SKAP1: variants seen among roughly 807,000 people sequenced by gnomAD.
SKAP1 encodes the protein src kinase-associated phosphoprotein 1.
Under a neutral mutation model 58.5 loss-of-function variants are expected in SKAP1, and 44 were observed. The observed-to-expected ratio is 0.75, with a 90% CI of 0.59 to 0.97. The LOEUF (loss-of-function observed/expected upper bound fraction) is 0.97. Among genes scored for constraint, SKAP1 ranks in the 50% least tolerant of loss-of-function variants. The probability of loss-of-function intolerance (pLI) is 0.00; values close to 1 mark genes in which losing one functional copy is unlikely to be tolerated. For synonymous variants in SKAP1, 127 were observed against 149.7 expected (o/e 0.85, Z 1.11); for missense variants, 390 against 435.2 (o/e 0.90, Z 0.92).
chr17:48,333,486 T>C (rs2066530564), intron 4 of SKAP1, among the ~76,000 whole-genome samples: 1 of 152,148 alleles, frequency 6.6e-6, no homozygotes. Flanking sequence ...TTTCCACCAT[T>C]TGTCCTAAAT....
intron 3 of SKAP1, among the ~76,000 whole-genome samples, chr17:48,354,835 C>A (rs2066854506): frequency 6.6e-6 from 1 of 152,118 alleles, no homozygotes; most frequent in Non-Finnish European, 1.5e-5. Flanking sequence ...GAAGTCTTAA[C>A]CTACTTACTC....
At chr17:48,250,903 A>G (rs535258120) in intron 4 of SKAP1, among the ~76,000 whole-genome samples, 1 of 152,260 alleles carries the variant, frequency 6.6e-6, no homozygotes, top group African/African-American at 2.4e-5. Context: ...ATGGTAATAA[A>G]ACCAAAATGG....
intron 4 of SKAP1, among the ~76,000 whole-genome samples, chr17:48,268,232 G>A (rs975447120): frequency 1.4e-4 from 20 of 148,116 alleles, no homozygotes; most frequent in African/African-American, 4.5e-4. Context: ...TCCAAATACT[G>A]ACCTGAAATA....
intron 1 of SKAP1, among the ~76,000 whole-genome samples, chr17:48,400,827 CATATTCTATGTTCATGATCAGAAGACTTA>C (rs1567899846): frequency 6.6e-6 from 1 of 151,976 alleles, no homozygotes; most frequent in African/African-American, 2.4e-5. Context: ...ATAAATAGAA[CATATTCTATGTTCATGATCAGAAGACTTA>C]ATATCGTTAA....
chr17:48,288,352 G>A (rs896619265), intron 4 of SKAP1, among the ~76,000 whole-genome samples: 1 of 152,110 alleles, frequency 6.6e-6, no homozygotes, highest in Admixed American at 6.5e-5. Flanking sequence ...ATGAAGCACT[G>A]GCTAAGAATC....
chr17:48,261,717 T>A (rs548906031), intron 4 of SKAP1, among the ~76,000 whole-genome samples: 4 of 152,316 alleles, frequency 2.6e-5, no homozygotes, highest in African/African-American at 9.6e-5. Flanking sequence ...ATAGAGTTTG[T>A]TACTTAGGTT....
chr17:48,312,519 C>T lies in SKAP1; in HGVS notation c.280+33386G>A, dbSNP rs2066235306. Among the ~76,000 whole-genome samples, 3 of 152,212 alleles carry T rather than the reference C, an allele frequency of 2.0e-5. No individual in the cohort carries two copies. The South Asian group carries it at 6.2e-4, about 32-fold the overall frequency. On this transcript the variant is annotated intron_variant, in intron 4 of 12. Transcript: ENST00000336915. ...GTGAAACTATGTTCTTATTGTTTGTCCTTTAAAAATAATACCAGGGTAAAG... is the reference window on the plus strand; with the variant it reads ...GTGAAACTATGTTCTTATTGTTTGTTCTTTAAAAATAATACCAGGGTAAAG...
At chr17:48,350,462 G>A (rs1363218417) in intron 3 of SKAP1, among the ~76,000 whole-genome samples, 2 of 152,168 alleles carry the variant, frequency 1.3e-5, no homozygotes, top group Admixed American at 6.6e-5. Context: ...TTGGGAGGCC[G>A]AGGCAGGCAG....
At chr17:48,438,363 A>G in the SKAP1 span, among the ~76,000 whole-genome samples, 4 of 152,238 alleles carry the variant, frequency 2.6e-5, no homozygotes, top group African/African-American at 9.6e-5. Flanking sequence ...CACCTGTCAG[A>G]TGCTCAATAA....
chr17:48,384,691 CA>C (rs1212492588), intron 2 of SKAP1, among the ~76,000 whole-genome samples: 2 of 152,166 alleles, frequency 1.3e-5, no homozygotes, highest in Admixed American at 6.5e-5. Flanking sequence ...CAAGCACTGG[CA>C]AAGCAGAATG....
At chr17:48,263,893 C>T (rs1342468016) in intron 4 of SKAP1, among the ~76,000 whole-genome samples, 2 of 152,158 alleles carry the variant, frequency 1.3e-5, no homozygotes, top group Admixed American at 1.3e-4. Context: ...ACAGACACCA[C>T]TCTGCGTTTG....
At chr17:48,435,301 A>G in the SKAP1 span, among the ~76,000 whole-genome samples, 8 of 151,410 alleles carry the variant, frequency 5.3e-5, no homozygotes, top group East Asian at 1.6e-3. Context: ...TGCTGAGCCC[A>G]GCAGAGGACC....
At chr17:48,282,788 A>G (rs955596024) in intron 4 of SKAP1, among the ~76,000 whole-genome samples, 1 of 151,996 alleles carries the variant, frequency 6.6e-6, no homozygotes, top group African/African-American at 2.4e-5. Context: ...AAAAAAAAAG[A>G]AAGAAAAGAA....
intron 1 of SKAP1, among the ~76,000 whole-genome samples, chr17:48,422,219 A>G (rs1357822520): frequency 6.6e-6 from 1 of 152,158 alleles, no homozygotes; most frequent in East Asian, 1.9e-4. Context: ...CAAAACAAAC[A>G]AAAAGCCTCC....
chr17:48,369,667 G>C (rs2067058866), intron 2 of SKAP1, among the ~76,000 whole-genome samples: 1 of 152,074 alleles, frequency 6.6e-6, no homozygotes. Flanking sequence ...GTTGCTCTAA[G>C]CACTTTTCTT....
At chr17:48,148,081 A>G (rs564913394) in intron 11 of SKAP1, among the ~76,000 whole-genome samples, 70 of 152,280 alleles carry the variant, frequency 4.6e-4, no homozygotes, top group African/African-American at 1.5e-3. Flanking sequence ...TGAGTGCGAG[A>G]GAACATTCAG....
chr17:48,191,634 CA>C (rs2064546321), intron 4 of SKAP1, among the ~76,000 whole-genome samples: 1 of 152,278 alleles, frequency 6.6e-6, no homozygotes, highest in Admixed American at 6.5e-5. Context: ...ATCAAAATTA[CA>C]TTTTGCTTTA....
chr17:48,406,037 C>T lies in SKAP1; in HGVS notation c.47-9252G>A, dbSNP rs1451243692. ...ATCCCAGCACTTTGGGAGGCCAAGGCGGGTAGATCACGAAGTCAAGAGATC... is the reference window on the plus strand; with the variant it reads ...ATCCCAGCACTTTGGGAGGCCAAGGTGGGTAGATCACGAAGTCAAGAGATC... On this transcript the variant is annotated intron_variant, in intron 1 of 12. Transcript: ENST00000336915. Among the ~76,000 whole-genome samples, 8 of 151,956 alleles carry T rather than the reference C, an allele frequency of 5.3e-5. No homozygotes were observed. In the East Asian group the frequency reaches 1.2e-3, roughly 22 times the overall value.
chr17:48,384,640 C>T (rs574392622), intron 2 of SKAP1, among the ~76,000 whole-genome samples: 2 of 152,296 alleles, frequency 1.3e-5, no homozygotes, highest in African/African-American at 4.8e-5. Context: ...AGTCTTCTTA[C>T]ATTTATTTGG....
Sources: gnomAD v4.1 joint callset for allele counts (sites outside exome capture counted in the v4.1 genomes callset) on GRCh38, gnomAD v4.1.1 for gene constraint, MANE v1.5 for transcripts, NCBI Gene and HGNC (gene_info 2026-07-23, HGNC 2026-07-21) for gene names.